KLF4: variants seen among roughly 807,000 people sequenced by gnomAD.
KLF4 encodes Krueppel-like factor 4.
KLF4 carries 14 observed loss-of-function variants against 38.0 expected under a neutral mutation model. The observed-to-expected ratio is 0.37, with a 90% CI of 0.24 to 0.58. The LOEUF (loss-of-function observed/expected upper bound fraction) is 0.58, where lower values mean the gene tolerates loss of function less well. KLF4 is among the 20% of genes least tolerant of loss of function. KLF4 has a pLI of 0.76. For synonymous variants in KLF4, 398 were observed against 302.5 expected (o/e 1.32, Z -3.28); for missense variants, 737 against 670.1 (o/e 1.10, Z -1.10).
chr9:107,488,929 C>A lies in KLF4; in HGVS notation c.126+1G>T. ...TCCCGGCGGCCCGGAGCGATACTCACGTTATTCGGGGCACCTGCTTGACGC... is the reference window on the plus strand; with the variant it reads ...TCCCGGCGGCCCGGAGCGATACTCAAGTTATTCGGGGCACCTGCTTGACGC... On this transcript the variant is annotated splice_donor_variant, in intron 2 of 4. Transcript: ENST00000374672. LOFTEE classifies it high-confidence loss of function. The surrounding 1 kb of genome is among the most constrained non-coding windows in gnomAD (Gnocchi z 5.7). 1 of 1,553,536 alleles carries A rather than the reference C, an allele frequency of 6.4e-7. No homozygotes were observed. Among genetic ancestry groups the A allele is most frequent in the Non-Finnish European group, 8.7e-7 (1 of 1,148,168 alleles).
chr9:107,485,606 C>T lies in KLF4; in HGVS notation c.*145G>A. ...GGATTCCTCATTTTTCCTGATTATC[C>T]ACTCACAAGATGACTCAGTTGGGAA... is the stretch of plus-strand genomic sequence containing the variant. On this transcript the variant is annotated 3_prime_UTR_variant, in exon 5 of 5. Transcript: ENST00000374672. The surrounding 1 kb of genome is among the most constrained non-coding windows in gnomAD (Gnocchi z 4.9). 2.8e-6 allele frequency: 2 copies of T among 720,380 alleles called. No homozygotes were observed. Among genetic ancestry groups the T allele is most frequent in the Non-Finnish European group, 4.3e-6 (2 of 463,350 alleles). 44.6% of individuals were successfully genotyped at this position (720,380 alleles called of 1,614,324 possible). A position where few individuals can be genotyped will look rare whatever the true frequency, so the allele number is the denominator to read the frequency against.
At chr9:107,486,950 G>A (rs1465476579) in intron 4 of KLF4, 78 bp downstream of exon 4, 2 of 1,609,488 alleles carry the variant, frequency 1.2e-6, no homozygotes, top group Non-Finnish European at 1.7e-6. Context: ...GGAAGTCAAG[G>A]AGGCACTGAG....
chr9:107,487,424 C>A lies in KLF4; in HGVS notation c.970G>T (p.Val324Leu). 1.3e-6 allele frequency: 2 copies of A among 1,519,820 alleles called. No individual in the cohort carries two copies. Among genetic ancestry groups the A allele is most frequent in the Middle Eastern group, 1.8e-4 (1 of 5,646 alleles). 94.1% of individuals were successfully genotyped at this position (1,519,820 alleles called of 1,614,324 possible). A position where few individuals can be genotyped will look rare whatever the true frequency, so the allele number is the denominator to read the frequency against. ...GGGTGACAGTCCCTGCTGCTCAGCA[C>A]TTCCTCAAGACCCAGGGTCGGGGTA... The part of the protein sequence containing the change: ...RTTPTLGLEE[V>L]LSSRDCHPAL... Residue 324 changes from valine to leucine, a missense_variant, in exon 3 of 5, where the codon GTG becomes TTG. Around this residue, in one of 2 missense-constraint regions of KLF4, gnomAD observed 695 missense variants for 554.5 expected, o/e 1.25. Transcript: ENST00000374672. This position sits in a 1 kb window ranked among gnomAD's most constrained non-coding sequence, Gnocchi z 6.1.
Position 107,488,287 on chromosome 9 carries a change from G to C in KLF4, c.127-20C>G, listed in dbSNP as rs766100161. 1 of 1,572,460 alleles carries C rather than the reference G, an allele frequency of 6.4e-7. No homozygotes were observed. Among genetic ancestry groups the C allele is most frequent in the African/African-American group, 1.4e-5 (1 of 73,996 alleles). ...CCAGCGCTGCGGGGACAGGGCGGGA[G>C]AGACCTGTCAGTGGTGGTCCCCTGT... On this transcript the variant is annotated intron_variant, in intron 2 of 4. Transcript: ENST00000374672. The surrounding 1 kb of genome is among the most constrained non-coding windows in gnomAD (Gnocchi z 5.7).
rs371694979 is a variant in KLF4 at position 107,489,198 on chromosome 9, G to C, written c.-26C>G. On this transcript the variant is annotated 5_prime_UTR_variant, in exon 1 of 5. Coordinates refer to ENST00000374672, the MANE Select transcript of KLF4 (RefSeq NM_004235.6). ...TAATGTGGGGGCCCAGAAGGTCCTC[G>C]GCAGCCCGAAGCAGCTGGGGCACCT... is the stretch of plus-strand genomic sequence containing the variant. 433 of 1,480,872 alleles carry C rather than the reference G, an allele frequency of 2.9e-4. No individual in the cohort carries two copies. Among genetic ancestry groups the C allele is most frequent in the Non-Finnish European group, 3.7e-4 (411 of 1,112,756 alleles). The allele number at this position is 1,480,872 out of a possible 1,614,324, so 91.7% of individuals were successfully genotyped here.
chr9:107,487,312 G>A lies in KLF4; in HGVS notation c.1082C>T (p.Pro361Leu), dbSNP rs754379894. ...GGACTGACCTTGGTAATGGAGCGGC[G>A]GGACTTGCGGCTGCATCTGATCGGG... ...FLPDQMQPQVPPLHYQELMPP... is the reference protein window; with the variant it reads ...FLPDQMQPQVLPLHYQELMPP... Residue 361 changes from proline (P) to leucine (L), a missense_variant, in exon 3 of 5, where the codon CCG becomes CTG. Physicochemically the swap from Pro to Leu is moderately conservative, Grantham distance 98. Transcript: ENST00000374672. The surrounding 1 kb of genome is among the most constrained non-coding windows in gnomAD (Gnocchi z 6.1). 2.5e-6 allele frequency: 4 copies of A among 1,572,782 alleles called. No homozygotes were observed. Among genetic ancestry groups the A allele is most frequent in the Admixed American group, 1.8e-5 (1 of 55,614 alleles).
Position 107,487,477 on chromosome 9 carries a change from G to T in KLF4, c.917C>A (p.Pro306His). 2 of 1,541,368 alleles carry T rather than the reference G, an allele frequency of 1.3e-6. No individual in the cohort carries two copies. Among genetic ancestry groups the T allele is most frequent in the Non-Finnish European group, 1.7e-6 (2 of 1,145,720 alleles). The change falls in exon 3 of 5, where the codon CCC becomes CAC. Residue 306 changes from proline (P) to histidine (H), a missense_variant. Coordinates refer to ENST00000374672, the MANE Select transcript of KLF4 (RefSeq NM_004235.6). This position sits in a 1 kb window ranked among gnomAD's most constrained non-coding sequence, Gnocchi z 6.1. ...NGHRPAAHDF[P>H]LGRQLPSRTT... ...CCTGCTGGGGAGCTGCCGCCCCAGG[G>T]GGAAGTCGTGTGCAGCCGGCCGGTG...
rs1433770087 is a variant in KLF4 at position 107,487,702 on chromosome 9, A to C, written c.692T>G (p.Leu231Arg). 5.6e-6 allele frequency: 9 copies of C among 1,605,114 alleles called. No individual in the cohort carries two copies. The African/African-American group carries it at 8.0e-5, about 14-fold the overall frequency. The change falls in exon 3 of 5, where the codon CTG becomes CGG. Residue 231 changes from leucine to arginine, a missense_variant. Leu to Arg is a moderately radical substitution (Grantham distance 102). Around this residue, in one of 2 missense-constraint regions of KLF4, gnomAD observed 695 missense variants for 554.5 expected, o/e 1.25. Coordinates refer to ENST00000374672, the MANE Select transcript of KLF4 (RefSeq NM_004235.6). The surrounding 1 kb of genome is among the most constrained non-coding windows in gnomAD (Gnocchi z 6.1). ...PGGGLMGKFVLKASLSAPGSE... is the reference protein window; with the variant it reads ...PGGGLMGKFVRKASLSAPGSE... ...GCCAGGGGCGCTCAGCGACGCCTTCAGCACGAACTTGCCCATCAGCCCGCC... is the reference window on the plus strand; with the variant it reads ...GCCAGGGGCGCTCAGCGACGCCTTCCGCACGAACTTGCCCATCAGCCCGCC...
chr9:107,487,530 C>G lies in KLF4; in HGVS notation c.864G>C (p.Leu288Phe). ...CATTGCTGAGAGGGGGTCCAGCGCC[C>G]AAGTGGGTGCACGAAGAGACCGCCT... The part of the protein sequence containing the change: ...KQEAVSSCTH[L>F]GAGPPLSNGH... Residue 288 changes from leucine to phenylalanine, a missense_variant, in exon 3 of 5, where the codon TTG becomes TTC. Coordinates refer to ENST00000374672, the MANE Select transcript of KLF4 (RefSeq NM_004235.6). This position sits in a 1 kb window ranked among gnomAD's most constrained non-coding sequence, Gnocchi z 6.1. The G allele has an allele frequency of 6.4e-7, 1 of 1,556,640 alleles. No individual in the cohort carries two copies. The highest frequency in any genetic ancestry group is 8.7e-7 in the Non-Finnish European group (1 of 1,152,858).
chr9:107,486,522 A>T (rs898586623), intron 4 of KLF4, among the ~76,000 whole-genome samples: 1 of 151,994 alleles, frequency 6.6e-6, no homozygotes, highest in African/African-American at 2.4e-5. Context: ...GAAAAAAAAT[A>T]AAAATGTAAA....
At position 107,489,152 on chromosome 9, in the gene KLF4, C is replaced by T. The variant is rs1242750260; in HGVS notation, c.5+16G>A. ...CCTCACCCCTCCCTGCTCCCAGCGC[C>T]GCGCGCCTCACCTACCTCATTAATG... On this transcript the variant is annotated intron_variant, in intron 1 of 4. Transcript: ENST00000374672. The T allele has an allele frequency of 6.5e-7, 1 of 1,533,344 alleles. No individual in the cohort carries two copies. 95.0% of individuals were successfully genotyped at this position (1,533,344 alleles called of 1,614,324 possible).
In KLF4 at chr9:107,488,540, G is replaced by T. The variant is rs774993633; in HGVS notation, c.127-273C>A. The T allele has an allele frequency of 1.6e-4, 82 of 524,226 alleles. No individual in the cohort carries two copies. Among genetic ancestry groups the T allele is most frequent in the Non-Finnish European group, 2.4e-4 (73 of 305,800 alleles). The allele number at this position is 524,226 out of a possible 1,614,324, so 32.5% of individuals were successfully genotyped here. On this transcript the variant is annotated intron_variant, in intron 2 of 4. Coordinates refer to ENST00000374672, the MANE Select transcript of KLF4 (RefSeq NM_004235.6). This position sits in a 1 kb window ranked among gnomAD's most constrained non-coding sequence, Gnocchi z 5.7. The stretch of plus-strand genomic sequence containing the variant: ...GCTGGTCCCTCCCCCTCCAGGTCCC[G>T]TGGACGTCCCCGGAATTGGCACACC...
At position 107,485,246 on chromosome 9, in the gene KLF4, A is replaced by G. The variant is rs1587919555; in HGVS notation, c.*505T>C. ...TTTGGCTTCCTTGTTTGGTACCTTT[A>G]GAACCAAGACTCACCAAGCACCATC... On this transcript the variant is annotated 3_prime_UTR_variant, in exon 5 of 5. Coordinates refer to ENST00000374672, the MANE Select transcript of KLF4 (RefSeq NM_004235.6). This position sits in a 1 kb window ranked among gnomAD's most constrained non-coding sequence, Gnocchi z 4.9. The G allele has an allele frequency of 1.4e-5, 3 of 211,820 alleles. No homozygotes were observed. In the South Asian group the frequency reaches 5.6e-4, roughly 40 times the overall value. 13.1% of individuals were successfully genotyped at this position (211,820 alleles called of 1,614,324 possible). A position where few individuals can be genotyped will look rare whatever the true frequency, so the allele number is the denominator to read the frequency against.
At position 107,488,437 on chromosome 9, in the gene KLF4, G is replaced by C; in HGVS notation, c.127-170C>G. On this transcript the variant is annotated intron_variant, in intron 2 of 4. Coordinates refer to ENST00000374672, the MANE Select transcript of KLF4 (RefSeq NM_004235.6). This position sits in a 1 kb window ranked among gnomAD's most constrained non-coding sequence, Gnocchi z 5.7. The stretch of plus-strand genomic sequence containing the variant: ...AGCGCTGCAATCTCGGCCCACTCCC[G>C]GGTCGAAGAAGAGGTGATGCGTCTG... 1.6e-6 allele frequency: 2 copies of C among 1,221,642 alleles called. No individual in the cohort carries two copies. Among genetic ancestry groups the C allele is most frequent in the East Asian group, 2.6e-5 (1 of 38,826 alleles). The allele number at this position is 1,221,642 out of a possible 1,614,324, so 75.7% of individuals were successfully genotyped here.
chr9:107,488,291 C>A lies in KLF4; in HGVS notation c.127-24G>T. 1.3e-6 allele frequency: 2 copies of A among 1,563,510 alleles called. No homozygotes were observed. Among genetic ancestry groups the A allele is most frequent in the Non-Finnish European group, 1.7e-6 (2 of 1,158,396 alleles). Reference sequence around the variant, plus strand: ...CGCTGCGGGGACAGGGCGGGAGAGACCTGTCAGTGGTGGTCCCCTGTTGCC... The same window carrying A: ...CGCTGCGGGGACAGGGCGGGAGAGAACTGTCAGTGGTGGTCCCCTGTTGCC... On this transcript the variant is annotated intron_variant, in intron 2 of 4. Transcript: ENST00000374672. The surrounding 1 kb of genome is among the most constrained non-coding windows in gnomAD (Gnocchi z 5.7).
chr9:107,489,188 GA>G lies in KLF4; in HGVS notation c.-17del. ...CCTACCTCATTAATGTGGGGGCCCA[GA>G]AGGTCCTCGGCAGCCCGAAGCAGCT... On this transcript the variant is annotated 5_prime_UTR_variant, in exon 1 of 5. Coordinates refer to ENST00000374672, the MANE Select transcript of KLF4 (RefSeq NM_004235.6). 6.7e-7 allele frequency: 1 copy of G among 1,501,698 alleles called. No homozygotes were observed. The highest frequency in any genetic ancestry group is 8.9e-7 in the Non-Finnish European group (1 of 1,121,246). The allele number at this position is 1,501,698 out of a possible 1,614,324, so 93.0% of individuals were successfully genotyped here.
At position 107,489,166 on chromosome 9, in the gene KLF4, A is replaced by G; in HGVS notation, c.5+2T>C. The G allele has an allele frequency of 6.6e-7, 1 of 1,525,058 alleles. No individual in the cohort carries two copies. Among genetic ancestry groups the G allele is most frequent in the Non-Finnish European group, 8.8e-7 (1 of 1,132,956 alleles). The allele number at this position is 1,525,058 out of a possible 1,614,324, so 94.5% of individuals were successfully genotyped here. A position where few individuals can be genotyped will look rare whatever the true frequency, so the allele number is the denominator to read the frequency against. On this transcript the variant is annotated splice_donor_variant, in intron 1 of 4. Transcript: ENST00000374672. LOFTEE classifies it high-confidence loss of function. ...GCTCCCAGCGCCGCGCGCCTCACCT[A>G]CCTCATTAATGTGGGGGCCCAGAAG...
Position 107,488,088 on chromosome 9 carries a change from G to A in KLF4, c.306C>T (p.Leu102=), listed in dbSNP as rs370082993. Residue 102 remains leucine, a synonymous_variant, in exon 3 of 5, where the codon CTC becomes CTT. Transcript: ENST00000374672. This position sits in a 1 kb window ranked among gnomAD's most constrained non-coding sequence, Gnocchi z 5.7. ...PRRETEEFND[L]LDLDFILSNS... The stretch of plus-strand genomic sequence containing the variant: ...TGGAGAGAATAAAGTCCAGGTCCAG[G>A]AGATCGTTGAACTCCTCGGTCTCTC... The A allele has an allele frequency of 9.9e-6, 16 of 1,613,136 alleles. No homozygotes were observed. The highest frequency in any genetic ancestry group is 1.4e-5 in the Non-Finnish European group (16 of 1,179,920).
At position 107,487,400 on chromosome 9, in the gene KLF4, G is replaced by A. The variant is rs1375141819; in HGVS notation, c.994C>T (p.Pro332Ser). Residue 332 changes from proline to serine, a missense_variant, in exon 3 of 5, where the codon CCT (proline) becomes TCT (serine). By Grantham distance (74) the Pro-to-Ser change is moderately conservative. Transcript: ENST00000374672. This position sits in a 1 kb window ranked among gnomAD's most constrained non-coding sequence, Gnocchi z 6.1. ...EEVLSSRDCH[P>S]ALPLPPGFHP... ...AAGCCGGGAGGAAGCGGCAGGGCAG[G>A]GTGACAGTCCCTGCTGCTCAGCACT... 3.3e-6 allele frequency: 5 copies of A among 1,526,244 alleles called. No homozygotes were observed. The highest frequency in any genetic ancestry group is 1.8e-4 in the Middle Eastern group (1 of 5,686). 94.5% of individuals were successfully genotyped at this position (1,526,244 alleles called of 1,614,324 possible).
Sources: gnomAD v4.1 joint callset for allele counts (sites outside exome capture counted in the v4.1 genomes callset) on GRCh38, gnomAD v4.1.1 for gene constraint, gnomAD v4.1.1 regional missense constraint, Gnocchi (gnomAD v3.1) non-coding constraint, MANE v1.5 for transcripts, NCBI Gene and HGNC (gene_info 2026-07-23, HGNC 2026-07-21) for gene names.